The following AGBL1 variants were observed in gnomAD, a reference collection of about 807,000 sequenced individuals.
The protein encoded by AGBL1 is AGBL carboxypeptidase 1, also known as cytosolic carboxypeptidase 4.
In AGBL1, 130 loss-of-function variants were observed where a neutral mutation model predicts 118.9. That is an observed-to-expected ratio of 1.09 (90% confidence interval 0.95 to 1.26). AGBL1 has a LOEUF of 1.26. Ranked by LOEUF, AGBL1 falls within the 50% of genes most tolerant of loss-of-function variation. The pLI is 0.00. For synonymous variants in AGBL1, 555 were observed against 478.9 expected (o/e 1.16, Z -2.08); for missense variants, 1,584 against 1,298.1 (o/e 1.22, Z -3.38).
At chr15:86,486,876 T>C (rs1481728512) in intron 18 of AGBL1, among the ~76,000 whole-genome samples, 1 of 152,006 alleles carries the variant, frequency 6.6e-6, no homozygotes, top group Non-Finnish European at 1.5e-5. Context: ...CCTCTGTACA[T>C]GGATTCCTGA....
intron 22 of AGBL1, among the ~76,000 whole-genome samples, chr15:86,832,147 T>C (rs1005637452): frequency 9.9e-5 from 15 of 152,196 alleles, no homozygotes; most frequent in African/African-American, 3.6e-4. Flanking sequence ...GCCAGGCCCA[T>C]GAAACCATAT....
At chr15:86,899,402 G>A (rs1241708982) in intron 22 of AGBL1, among the ~76,000 whole-genome samples, 1 of 152,088 alleles carries the variant, frequency 6.6e-6, no homozygotes, top group African/African-American at 2.4e-5. Context: ...GTGGGGAGGA[G>A]GGAGAGGAGC....
intron 22 of AGBL1, among the ~76,000 whole-genome samples, chr15:86,861,749 C>A (rs1170635700): frequency 6.6e-6 from 1 of 152,088 alleles, no homozygotes; most frequent in South Asian, 2.1e-4. Flanking sequence ...AGTATGCCAC[C>A]CATACTCCTG....
intron 21 of AGBL1, among the ~76,000 whole-genome samples, chr15:86,653,323 C>T (rs2142499578): frequency 6.6e-6 from 1 of 152,264 alleles, no homozygotes; most frequent in Non-Finnish European, 1.5e-5. Flanking sequence ...TGCTCCTTTC[C>T]CTTCTCCCTG....
rs189707609 is a variant in AGBL1, at chr15:86,097,728, C to T, written c.51+17705C>T. On this transcript the variant is annotated intron_variant, in intron 1 of 22. Coordinates refer to ENST00000614907, the MANE Select transcript of AGBL1 (RefSeq NM_001386094.1). ...GCCACATTTTCTTTATCCATTCATT[C>T]CCTGATGGACATTCAAGTTGATTCC... Among the ~76,000 whole-genome samples, 46 of 152,118 alleles carry T rather than the reference C, an allele frequency of 3.0e-4. No homozygotes were observed. In the East Asian group the frequency reaches 7.3e-3, roughly 24 times the overall value.
At chr15:87,007,001 A>T (rs952869551) in intron 24 of AGBL1, among the ~76,000 whole-genome samples, 1 of 152,264 alleles carries the variant, frequency 6.6e-6, no homozygotes, top group African/African-American at 2.4e-5. Context: ...GCAGGGAAAA[A>T]CTAAGTCATG....
intron 23 of AGBL1, among the ~76,000 whole-genome samples, chr15:86,973,973 A>G (rs2081139766): frequency 7.1e-6 from 1 of 141,772 alleles, no homozygotes. Flanking sequence ...TATTTAATAT[A>G]TTAAATATAA....
intron 17 of AGBL1, among the ~76,000 whole-genome samples, chr15:86,313,216 C>T (rs1024540489): frequency 1.3e-5 from 2 of 152,104 alleles, no homozygotes; most frequent in East Asian, 1.9e-4. Flanking sequence ...TCTTTGAGGT[C>T]GATTTTCTTG....
At chr15:86,159,372 T>C (rs565829851) in intron 5 of AGBL1, among the ~76,000 whole-genome samples, 1 of 152,304 alleles carries the variant, frequency 6.6e-6, no homozygotes, top group East Asian at 1.9e-4. Context: ...TCTTTTTGCC[T>C]GAAGCCCTCA....
intron 22 of AGBL1, among the ~76,000 whole-genome samples, chr15:86,826,483 C>G (rs745389295): frequency 1.8e-4 from 28 of 152,284 alleles, no homozygotes; most frequent in East Asian, 7.7e-4. Context: ...ACTCCTTTCA[C>G]TAAGTCAGTG....
intron 5 of AGBL1, among the ~76,000 whole-genome samples, chr15:86,196,211 T>C (rs1472586017): frequency 2.0e-5 from 3 of 152,164 alleles, no homozygotes; most frequent in Non-Finnish European, 4.4e-5. Flanking sequence ...CAGAAAGAAA[T>C]CTTATTTCAT....
chr15:86,744,642 G>A (rs931273116), intron 22 of AGBL1, among the ~76,000 whole-genome samples: 3 of 152,066 alleles, frequency 2.0e-5, no homozygotes, highest in Non-Finnish European at 4.4e-5. Flanking sequence ...CCAGAGGGGG[G>A]GAGGAGTTAA....
intron 18 of AGBL1, among the ~76,000 whole-genome samples, chr15:86,507,748 C>T (rs1336829425): frequency 6.6e-6 from 1 of 151,908 alleles, no homozygotes; most frequent in Non-Finnish European, 1.5e-5. Context: ...TTGACATAGT[C>T]CAGGTAAAAG....
chr15:86,793,790 A>G (rs1343931499), intron 22 of AGBL1, among the ~76,000 whole-genome samples: 1 of 152,238 alleles, frequency 6.6e-6, no homozygotes, highest in Admixed American at 6.5e-5. Context: ...AAATTACGAA[A>G]GTCTTGAGTA....
At chr15:86,273,594 A>G (rs990318676) in intron 15 of AGBL1, among the ~76,000 whole-genome samples, 4 of 152,114 alleles carry the variant, frequency 2.6e-5, no homozygotes, top group Non-Finnish European at 5.9e-5. Context: ...CTATTTACCT[A>G]TCCTGATTTT....
intron 17 of AGBL1, among the ~76,000 whole-genome samples, chr15:86,366,427 T>C (rs980018708): frequency 2.6e-5 from 4 of 152,212 alleles, no homozygotes; most frequent in African/African-American, 9.6e-5. Context: ...TTTTTAATCC[T>C]CATTTTATGG....
chr15:86,536,198 C>T (rs2083423840), intron 19 of AGBL1, among the ~76,000 whole-genome samples: 1 of 152,134 alleles, frequency 6.6e-6, no homozygotes, highest in African/African-American at 2.4e-5. Flanking sequence ...AATTGAATTG[C>T]TTCAGTTTCT....
At chr15:86,673,005 CCTT>C (rs1235506437) in intron 21 of AGBL1, among the ~76,000 whole-genome samples, 1 of 152,104 alleles carries the variant, frequency 6.6e-6, no homozygotes, top group East Asian at 1.9e-4. Flanking sequence ...TATGAGCAAT[CCTT>C]CTGCATTCTT....
chr15:86,782,312 A>G (rs1016436757), intron 22 of AGBL1, among the ~76,000 whole-genome samples: 1 of 152,148 alleles, frequency 6.6e-6, no homozygotes, highest in Non-Finnish European at 1.5e-5. Flanking sequence ...TGTCTGAGTC[A>G]TTATTTGACT....
Sources: allele counts gnomAD v4.1 joint callset (sites outside exome capture counted in the v4.1 genomes callset), GRCh38; gene constraint gnomAD v4.1.1; transcripts MANE v1.5; gene names NCBI Gene and HGNC (gene_info 2026-07-23, HGNC 2026-07-21).